FAM120A: variants seen among roughly 807,000 people sequenced by gnomAD.
FAM120A encodes family with sequence similarity 120 member A.
Under a neutral mutation model 109.7 loss-of-function variants are expected in FAM120A, and 15 were observed. The ratio of observed to expected loss-of-function variants is 0.14; its 90% CI spans 0.09 to 0.21. The LOEUF is 0.21. Among genes scored for constraint, FAM120A ranks in the 10% least tolerant of loss-of-function variants. The pLI is 1.00. For synonymous variants in FAM120A, 493 were observed against 572.8 expected (o/e 0.86, Z 1.99); for missense variants, 899 against 1,439.3 (o/e 0.62, Z 6.07).
chr9:93,506,853 C>G (rs1256814879), intron 5 of FAM120A, among the ~76,000 whole-genome samples: 1 of 152,144 alleles, frequency 6.6e-6, no homozygotes, highest in Non-Finnish European at 1.5e-5. Flanking sequence ...ACCTCGGCCT[C>G]CCAAAGTGCT....
chr9:93,495,202 G>C (rs1291583536), intron 3 of FAM120A, among the ~76,000 whole-genome samples: 1 of 152,142 alleles, frequency 6.6e-6, no homozygotes, highest in Non-Finnish European at 1.5e-5. Flanking sequence ...CCCTGTGGAG[G>C]GTACCATCTC....
At chr9:93,534,760 T>A (rs1030937406) in intron 10 of FAM120A, among the ~76,000 whole-genome samples, 5 of 152,152 alleles carry the variant, frequency 3.3e-5, no homozygotes, top group African/African-American at 1.2e-4. Flanking sequence ...ACAGTCCTGA[T>A]AAAGAGTTTG....
At chr9:93,538,960 C>T (rs1861609463) in intron 10 of FAM120A, among the ~76,000 whole-genome samples, 2 of 151,002 alleles carry the variant, frequency 1.3e-5, no homozygotes, top group South Asian at 4.2e-4. Context: ...AAGGAAAATG[C>T]GTTATAAATT....
chr9:93,490,609 T>G (rs909639125), intron 3 of FAM120A, among the ~76,000 whole-genome samples: 1 of 152,242 alleles, frequency 6.6e-6, no homozygotes, highest in African/African-American at 2.4e-5. Context: ...AATGTTTGAT[T>G]TTAAAGATGT....
chr9:93,507,728 G>A (rs16909214), intron 5 of FAM120A, among the ~76,000 whole-genome samples: 5,486 of 152,308 alleles, frequency 0.036, 169 homozygotes, highest in African/African-American at 0.07. Context: ...GATAGATGGA[G>A]TGTCAGTAGG....
chr9:93,539,002 G>GTTT (rs142352504), intron 10 of FAM120A, among the ~76,000 whole-genome samples: 2 of 144,844 alleles, frequency 1.4e-5, no homozygotes, highest in Non-Finnish European at 3.0e-5. Flanking sequence ...CCCTAGAGTT[G>GTTT]TTTTTTTTTT....
intron 11 of FAM120A, among the ~76,000 whole-genome samples, 190 bp downstream of exon 11, chr9:93,543,661 T>A (rs528928176): frequency 2.2e-4 from 33 of 152,384 alleles, no homozygotes; most frequent in African/African-American, 7.9e-4. Flanking sequence ...TATTTTAATT[T>A]ATATGATACA....
Position 93,527,148 on chromosome 9 carries a change from T to G in FAM120A, c.1419-7T>G. 2 of 1,613,464 alleles carry G rather than the reference T, an allele frequency of 1.2e-6. No homozygotes were observed. Among genetic ancestry groups the G allele is most frequent in the Non-Finnish European group, 1.7e-6 (2 of 1,179,390 alleles). On this transcript the variant is annotated splice_region_variant and splice_polypyrimidine_tract_variant and intron_variant, in intron 7 of 17. Transcript: ENST00000277165. ...TTGGACAGTAATCATGTTCATTTTA[T>G]GTTTAGCCATATCAGCGGGAACAAG...
intron 8 of FAM120A, 93 bp from the exon 9 acceptor site, chr9:93,529,260 G>A (rs1022800854): frequency 1.1e-5 from 12 of 1,135,750 alleles, no homozygotes; most frequent in African/African-American, 4.7e-5. Flanking sequence ...TGTCCCCTCC[G>A]TGTCTGTCAG....
At position 93,498,686 on chromosome 9, in the gene FAM120A, G is replaced by T; in HGVS notation, c.934-104G>T. On this transcript the variant is annotated intron_variant, in intron 4 of 17. Coordinates refer to ENST00000277165, the MANE Select transcript of FAM120A (RefSeq NM_014612.5). The surrounding 1 kb of genome is among the most constrained non-coding windows in gnomAD (Gnocchi z 4.4). The stretch of plus-strand genomic sequence containing the variant: ...GTCATTCAAAATTCTTCTCTAACTT[G>T]AAAAGCTGTAGAATATTATACATGT... 1.3e-6 allele frequency: 1 copy of T among 756,210 alleles called. No individual in the cohort carries two copies. The highest frequency in any genetic ancestry group is 2.5e-5 in the East Asian group (1 of 40,698). 46.8% of individuals were successfully genotyped at this position (756,210 alleles called of 1,614,324 possible).
At chr9:93,524,237 G>A (rs1265346072) in intron 7 of FAM120A, among the ~76,000 whole-genome samples, 1 of 152,108 alleles carries the variant, frequency 6.6e-6, no homozygotes, top group Non-Finnish European at 1.5e-5. Flanking sequence ...CTTTCCTGTT[G>A]ACACAGAAGT....
chr9:93,510,098 G>A (rs187933441), intron 5 of FAM120A, among the ~76,000 whole-genome samples: 27 of 152,304 alleles, frequency 1.8e-4, no homozygotes, highest in Non-Finnish European at 3.8e-4. Context: ...TACTCCCATT[G>A]AGTAGAACGG....
At chr9:93,474,142 AG>A (rs1461202836) in intron 2 of FAM120A, among the ~76,000 whole-genome samples, 1 of 152,230 alleles carries the variant, frequency 6.6e-6, no homozygotes, top group Non-Finnish European at 1.5e-5. Context: ...CTCTTCAAAA[AG>A]TTTAGTGAAG....
At chr9:93,463,347 T>C (rs2131224306) in intron 1 of FAM120A, among the ~76,000 whole-genome samples, 2 of 152,354 alleles carry the variant, frequency 1.3e-5, no homozygotes, top group South Asian at 4.1e-4. Flanking sequence ...TTAAGATCAC[T>C]GTACCCAATT....
chr9:93,474,886 C>T (rs775625877), intron 2 of FAM120A, among the ~76,000 whole-genome samples: 18 of 152,214 alleles, frequency 1.2e-4, no homozygotes, highest in Non-Finnish European at 2.1e-4. Context: ...AGCCACCGTG[C>T]CCGGCCAGAC....
intron 1 of FAM120A, among the ~76,000 whole-genome samples, chr9:93,465,074 G>C (rs1284641942): frequency 6.6e-6 from 1 of 152,206 alleles, no homozygotes; most frequent in African/African-American, 2.4e-5. Flanking sequence ...AGGAGCTTCA[G>C]AAGACCAGAT....
At chr9:93,518,413 T>G (rs1000937922) in intron 7 of FAM120A, among the ~76,000 whole-genome samples, 1 of 152,176 alleles carries the variant, frequency 6.6e-6, no homozygotes, top group Admixed American at 6.5e-5. Context: ...GCTTTTATAG[T>G]TTAGAAAAAA....
At chr9:93,523,693 T>A (rs1356290474) in intron 7 of FAM120A, among the ~76,000 whole-genome samples, 1 of 152,238 alleles carries the variant, frequency 6.6e-6, no homozygotes, top group Non-Finnish European at 1.5e-5. Context: ...CAGTTGGGGC[T>A]TCTTGGTCAC....
chr9:93,519,503 A>G (rs372325118), intron 7 of FAM120A, among the ~76,000 whole-genome samples: 86 of 152,210 alleles, frequency 5.7e-4, no homozygotes, highest in African/African-American at 2.0e-3. Flanking sequence ...TCGGCCTCCC[A>G]AAGTGCTGGG....
Sources: allele counts gnomAD v4.1 joint callset (sites outside exome capture counted in the v4.1 genomes callset), GRCh38; gene constraint gnomAD v4.1.1; non-coding constraint Gnocchi (gnomAD v3.1); transcripts MANE v1.5; gene names NCBI Gene and HGNC (gene_info 2026-07-23, HGNC 2026-07-21).